The following GPRIN3 variants were observed in gnomAD, a reference collection of about 807,000 sequenced individuals.
GPRIN3 encodes G protein-regulated inducer of neurite outgrowth 3.
GPRIN3 carries 12 observed loss-of-function variants against 13.7 expected under a neutral mutation model. The observed-to-expected ratio is 0.87, with a 90% confidence interval of 0.56 to 1.42. The LOEUF (loss-of-function observed/expected upper bound fraction) is 1.42, where lower values mean the gene tolerates loss of function less well. Among genes scored for constraint, GPRIN3 ranks in the 40% most tolerant of loss-of-function variants. GPRIN3 has a pLI of 0.00. For missense variants in GPRIN3, 1,009 were observed against 958.7 expected, an observed-to-expected ratio of 1.05 and a Z score of -0.69; for synonymous variants, 377 against 372.7, an observed-to-expected ratio of 1.01 and a Z score of -0.13.
intron 1 of GPRIN3, among the ~76,000 whole-genome samples, chr4:89,268,673 T>A (rs541097409): frequency 5.3e-5 from 8 of 152,328 alleles, no homozygotes; most frequent in Middle Eastern, 6.8e-3. Flanking sequence ...TACTGAAGTA[T>A]ACAAGTGTAG....
At chr4:89,262,770 A>G (rs1723669266) in intron 1 of GPRIN3, among the ~76,000 whole-genome samples, 1 of 152,202 alleles carries the variant, frequency 6.6e-6, no homozygotes, top group African/African-American at 2.4e-5. Flanking sequence ...TACTTTTCCC[A>G]GACTTTCTGA....
chr4:89,248,252 C>A lies in GPRIN3; in HGVS notation c.1859G>T (p.Gly620Val). The A allele has an allele frequency of 6.2e-7, 1 of 1,614,150 alleles. No homozygotes were observed. The highest frequency in any genetic ancestry group is 8.5e-7 in the Non-Finnish European group (1 of 1,180,020). The part of the protein sequence containing the change: ...DPMGDSSPGS[G>V]KKTPSRSVKA... ...GACGGAGCGAGATGGGGTCTTCTTG[C>A]CAGAACCTGGGCTGGAGTCACCCAT... Residue 620 changes from glycine to valine, a missense_variant, in exon 2 of 2, where the codon GGC (glycine) becomes GTC (valine). Gly to Val is a moderately radical substitution (Grantham distance 109, BLOSUM62 -3). Transcript: ENST00000609438.
At chr4:89,262,358 T>C (rs936407562) in intron 1 of GPRIN3, among the ~76,000 whole-genome samples, 3 of 152,244 alleles carry the variant, frequency 2.0e-5, no homozygotes, top group African/African-American at 2.4e-5. Flanking sequence ...AGAAGGAAGA[T>C]GGTGCTTGGG....
intron 1 of GPRIN3, chr4:89,250,761 T>A (rs1723305635): frequency 2.0e-5 from 3 of 152,140 alleles, no homozygotes. Flanking sequence ...AAACTGTTCA[T>A]GCATCTGGAA....
chr4:89,236,772 C>T lies in GPRIN3; in HGVS notation c.*11008G>A, dbSNP rs1161344451. 1 of 152,162 alleles carries T rather than the reference C, an allele frequency of 6.6e-6. No individual in the cohort carries two copies. Among genetic ancestry groups the T allele is most frequent in the East Asian group, 1.9e-4 (1 of 5,192 alleles). The allele number at this position is 152,162 out of a possible 1,614,324, so 9.4% of individuals were successfully genotyped here. On this transcript the variant is annotated 3_prime_UTR_variant, in exon 2 of 2. Transcript: ENST00000609438. Reference sequence around the variant, plus strand: ...ATATTTACCACAATATCTCTGTGATCATCCAATTTATATGTCTCAAGTATC... The same window carrying T: ...ATATTTACCACAATATCTCTGTGATTATCCAATTTATATGTCTCAAGTATC...
At chr4:89,290,402 G>T (rs1161078074) in intron 1 of GPRIN3, among the ~76,000 whole-genome samples, 2 of 152,062 alleles carry the variant, frequency 1.3e-5, no homozygotes, top group Non-Finnish European at 2.9e-5. Flanking sequence ...TAACACCAAA[G>T]CATTGATGGA....
chr4:89,260,222 T>G (rs1413034253), intron 1 of GPRIN3, among the ~76,000 whole-genome samples: 1 of 152,198 alleles, frequency 6.6e-6, no homozygotes, highest in Non-Finnish European at 1.5e-5. Context: ...TTGGGGGCTC[T>G]TCTGCTCTTA....
At chr4:89,261,992 C>T (rs887881598) in intron 1 of GPRIN3, among the ~76,000 whole-genome samples, 9 of 151,846 alleles carry the variant, frequency 5.9e-5, no homozygotes, top group African/African-American at 7.2e-5. Flanking sequence ...CATGGTGGCA[C>T]GCGCCTGTGG....
At chr4:89,274,228 CTG>C (rs1724035461) in intron 1 of GPRIN3, among the ~76,000 whole-genome samples, 1 of 152,164 alleles carries the variant, frequency 6.6e-6, no homozygotes, top group African/African-American at 2.4e-5. Context: ...TGCTATTTAA[CTG>C]TGTTGTTGTC....
At chr4:89,278,926 T>C (rs1056088525) in intron 1 of GPRIN3, among the ~76,000 whole-genome samples, 1 of 152,216 alleles carries the variant, frequency 6.6e-6, no homozygotes, top group African/African-American at 2.4e-5. Context: ...GGTAGAGGCC[T>C]GTCACTGGAA....
chr4:89,247,939 G>C lies in GPRIN3; in HGVS notation c.2172C>G (p.Ile724Met). 1 of 1,614,124 alleles carries C rather than the reference G, an allele frequency of 6.2e-7. No individual in the cohort carries two copies. Among genetic ancestry groups the C allele is most frequent in the Non-Finnish European group, 8.5e-7 (1 of 1,180,002 alleles). ...TCCGGGTCTGGCTATTTTGAGTTTT[G>C]ATTAATTTCTCATGTTCCCTGATTT... is the stretch of plus-strand genomic sequence containing the variant. ...QRQIREHEKL[I>M]KTQNSQTRRS... is the part of the protein sequence containing the mutation. The change falls in exon 2 of 2, where the codon ATC (isoleucine) becomes ATG (methionine). Residue 724 changes from isoleucine (I) to methionine (M), a missense_variant. Physicochemically the swap from Ile to Met is conservative, Grantham distance 10. Coordinates refer to ENST00000609438, the MANE Select transcript of GPRIN3 (RefSeq NM_198281.3).
At chr4:89,289,065 C>T (rs989628304) in intron 1 of GPRIN3, among the ~76,000 whole-genome samples, 3 of 151,350 alleles carry the variant, frequency 2.0e-5, no homozygotes, top group African/African-American at 4.9e-5. Context: ...CAAACTAATT[C>T]GTTCTTTGAC....
intron 1 of GPRIN3, 32 bp from the exon 2 acceptor site, chr4:89,250,265 A>C: frequency 3.6e-6 from 5 of 1,403,224 alleles, no homozygotes; most frequent in African/African-American, 1.4e-5. Flanking sequence ...TCATTAATAC[A>C]GTACGTCGCT....
intron 1 of GPRIN3, among the ~76,000 whole-genome samples, chr4:89,287,975 C>T (rs113628202): frequency 3.4e-4 from 52 of 152,138 alleles, no homozygotes; most frequent in African/African-American, 1.2e-3. Flanking sequence ...ACATAATGAC[C>T]AAAAAAATTC....
rs1722960701 is a variant in GPRIN3, at chr4:89,242,121, CT to C, written c.*5658del. 1 of 152,152 alleles carries C rather than the reference CT, an allele frequency of 6.6e-6. No individual in the cohort carries two copies. The highest frequency in any genetic ancestry group is 2.1e-4 in the South Asian group (1 of 4,830). The allele number at this position is 152,152 out of a possible 1,614,324, so 9.4% of individuals were successfully genotyped here. A position where few individuals can be genotyped will look rare whatever the true frequency, so the allele number is the denominator to read the frequency against. ...ACCATGCAGGTTGATCATCAATATC[CT>C]TTTCTAAAGTGTAAAATATGTGATT... On this transcript the variant is annotated 3_prime_UTR_variant, in exon 2 of 2. Coordinates refer to ENST00000609438, the MANE Select transcript of GPRIN3 (RefSeq NM_198281.3).
chr4:89,277,850 A>G (rs1724135992), intron 1 of GPRIN3, among the ~76,000 whole-genome samples: 1 of 151,900 alleles, frequency 6.6e-6, no homozygotes, highest in African/African-American at 2.4e-5. Flanking sequence ...ATGCGGTTCT[A>G]TTGGCAGCCA....
intron 1 of GPRIN3, among the ~76,000 whole-genome samples, chr4:89,279,729 G>T (rs1724192942): frequency 6.6e-6 from 1 of 152,120 alleles, no homozygotes; most frequent in African/African-American, 2.4e-5. Flanking sequence ...TCTGCGCTAG[G>T]CTCTTACTTG....
In GPRIN3 at chr4:89,248,435, G is replaced by A; in HGVS notation, c.1676C>T (p.Ala559Val). The change falls in exon 2 of 2, where the codon GCC (alanine) becomes GTC (valine). Residue 559 changes from alanine to valine, a missense_variant. Transcript: ENST00000609438. ...KESTGTDTSD[A>V]KTLLLNPKSQ... ...TTTAGGATTGAGCAGTAGGGTTTTG[G>A]CATCCGAGGTATCAGTGCCAGTAGA... The A allele has an allele frequency of 6.2e-7, 1 of 1,614,092 alleles. No homozygotes were observed. The highest frequency in any genetic ancestry group is 8.5e-7 in the Non-Finnish European group (1 of 1,179,976).
At chr4:89,268,607 C>T (rs1431268340) in intron 1 of GPRIN3, among the ~76,000 whole-genome samples, 1 of 152,128 alleles carries the variant, frequency 6.6e-6, no homozygotes, top group Non-Finnish European at 1.5e-5. Flanking sequence ...ATGAAGCCAC[C>T]CCTTCCAACT....
Sources: allele counts gnomAD v4.1 joint callset (sites outside exome capture counted in the v4.1 genomes callset), GRCh38; gene constraint gnomAD v4.1.1; transcripts MANE v1.5; gene names NCBI Gene and HGNC (gene_info 2026-07-23, HGNC 2026-07-21).